CASKIN2: variants seen among roughly 807,000 people sequenced by gnomAD.
CASKIN2 encodes caskin-2.
In CASKIN2, 41 loss-of-function variants were observed where a neutral mutation model predicts 107.1. The ratio of observed to expected loss-of-function variants is 0.38; its 90% CI spans 0.30 to 0.50. The LOEUF is 0.50. Among genes scored for constraint, CASKIN2 ranks in the 20% least tolerant of loss-of-function variants. The probability of loss-of-function intolerance (pLI) is 0.92; values close to 1 mark genes in which losing one functional copy is unlikely to be tolerated. For missense variants in CASKIN2, 1,546 were observed against 1,657.4 expected, an observed-to-expected ratio of 0.93 and a Z score of 1.17; for synonymous variants, 724 against 705.6, an observed-to-expected ratio of 1.03 and a Z score of -0.41.
In CASKIN2 at chr17:75,502,140, G is replaced by A. The variant is rs763516655; in HGVS notation, c.2934C>T (p.Pro978=). 53 of 1,603,408 alleles carry A rather than the reference G, an allele frequency of 3.3e-5. No individual in the cohort carries two copies. The highest frequency in any genetic ancestry group is 2.9e-4 in the East Asian group (13 of 44,864). ...GPPPRETPVP[P]GLDFNLTESD... ...ATTCCGTGAGGTTGAAATCGAGGCC[G>A]GGGGGCACGGGTGTCTCTCGGGGCG... is the stretch of plus-strand genomic sequence containing the variant. Residue 978 remains proline (P), a synonymous_variant, in exon 18 of 20, where the codon CCC becomes CCT. Transcript: ENST00000321617. This position sits in a 1 kb window ranked among gnomAD's most constrained non-coding sequence, Gnocchi z 4.3.
chr17:75,501,445 C>G (rs769985148), intron 19 of CASKIN2, 23 bp downstream of exon 19: 4 of 1,592,998 alleles, frequency 2.5e-6, no homozygotes, highest in Non-Finnish European at 2.6e-6. Context: ...GCCTTCTCTC[C>G]CTCCCCATCC....
chr17:75,506,396 C>T lies in CASKIN2; in HGVS notation c.635G>A (p.Gly212Glu). The T allele has an allele frequency of 1.2e-6, 2 of 1,610,414 alleles. No homozygotes were observed. The highest frequency in any genetic ancestry group is 1.7e-6 in the Non-Finnish European group (2 of 1,179,896). Residue 212 changes from glycine (G) to glutamate (E), a missense_variant, in exon 8 of 20, where the codon GGG becomes GAG. Physicochemically the swap from Gly to Glu is moderately conservative, Grantham distance 98. Transcript: ENST00000321617. The surrounding 1 kb of genome is among the most constrained non-coding windows in gnomAD (Gnocchi z 4.8). ...CTTGGTCTGGCGGTTGATCTCGATCCCAGCTCTCAGGAGCTGCCTGCAGTG... is the reference window on the plus strand; with the variant it reads ...CTTGGTCTGGCGGTTGATCTCGATCTCAGCTCTCAGGAGCTGCCTGCAGTG... The part of the protein sequence containing the change: ...REVIRQLLRA[G>E]IEINRQTKTG...
At chr17:75,508,979 C>T (rs1260475814) in intron 2 of CASKIN2, among the ~76,000 whole-genome samples, 1 of 152,224 alleles carries the variant, frequency 6.6e-6, no homozygotes, top group African/African-American at 2.4e-5. Context: ...GGGCGATGGT[C>T]CTCCAACAAG....
chr17:75,506,518 A>G lies in CASKIN2; in HGVS notation c.617+65T>C, dbSNP rs2053267453. On this transcript the variant is annotated intron_variant, in intron 7 of 19. Transcript: ENST00000321617. This position sits in a 1 kb window ranked among gnomAD's most constrained non-coding sequence, Gnocchi z 4.8. Reference sequence around the variant, plus strand: ...CCGGGTGAAAAGGGCAGTGGGGGAGAGCACTGAGGGGCACCGATGGTCCCG... The same window carrying G: ...CCGGGTGAAAAGGGCAGTGGGGGAGGGCACTGAGGGGCACCGATGGTCCCG... 1.9e-6 allele frequency: 3 copies of G among 1,601,018 alleles called. No individual in the cohort carries two copies. Among genetic ancestry groups the G allele is most frequent in the Admixed American group, 1.7e-5 (1 of 59,776 alleles).
intron 14 of CASKIN2, 33 bp downstream of exon 14, chr17:75,504,182 C>CCT (rs1555641559): frequency 7.6e-7 from 1 of 1,323,938 alleles, no homozygotes; most frequent in African/African-American, 1.6e-5. Context: ...CCTTCCCCCC[C>CCT]GAGGCCCACG....
intron 2 of CASKIN2, among the ~76,000 whole-genome samples, chr17:75,512,426 G>A (rs2053322457): frequency 6.6e-6 from 1 of 152,166 alleles, no homozygotes; most frequent in Non-Finnish European, 1.5e-5. Flanking sequence ...CCCAAGACAT[G>A]GGGCTCAGGT....
chr17:75,511,888 G>A (rs1466461374), intron 2 of CASKIN2, among the ~76,000 whole-genome samples: 1 of 148,306 alleles, frequency 6.7e-6, no homozygotes, highest in Non-Finnish European at 1.5e-5. Context: ...CCAGAGCGGT[G>A]AGGCCAGCAG....
At position 75,507,045 on chromosome 17, in the gene CASKIN2, G is replaced by A; in HGVS notation, c.329C>T (p.Ala110Val). The A allele has an allele frequency of 1.2e-6, 2 of 1,612,712 alleles. No individual in the cohort carries two copies. Among genetic ancestry groups the A allele is most frequent in the Non-Finnish European group, 1.7e-6 (2 of 1,179,896 alleles). ...LLLRASAAVN[A>V]ASLDGQIPLH... ...GGGGATCTGTCCGTCCAGCGAGGCGGCATTGACAGCCGCAGAGGCGCGCAG... is the reference window on the plus strand; with the variant it reads ...GGGGATCTGTCCGTCCAGCGAGGCGACATTGACAGCCGCAGAGGCGCGCAG... Residue 110 changes from alanine (A) to valine (V), a missense_variant, in exon 5 of 20, where the codon GCC (alanine) becomes GTC (valine). Transcript: ENST00000321617.
Position 75,508,247 on chromosome 17 carries a change from G to A in CASKIN2, c.133C>T (p.Gln45Ter), listed in dbSNP as rs2053286009. The change falls in exon 3 of 20, where the codon CAG (glutamine) becomes TAG (stop). Residue 45 changes from glutamine to a stop codon, truncating the protein, a stop_gained. Transcript: ENST00000321617. LOFTEE classifies it high-confidence loss of function. ...GCTCCCACTCACCCATCAGCATCCT[G>A]GTAGTTCACGTTGAGCCTCTTTGTG... The part of the protein sequence containing the change: ...GSTKRLNVNY[Q>*]DADGFSALHH... 1 of 1,613,924 alleles carries A rather than the reference G, an allele frequency of 6.2e-7. No individual in the cohort carries two copies. Among genetic ancestry groups the A allele is most frequent in the South Asian group, 1.1e-5 (1 of 91,052 alleles).
intron 2 of CASKIN2, among the ~76,000 whole-genome samples, chr17:75,510,157 C>A (rs2053304646): frequency 6.6e-6 from 1 of 152,172 alleles, no homozygotes; most frequent in Non-Finnish European, 1.5e-5. Context: ...GCCGCCCCAG[C>A]ACACCCCATT....
rs910275664 is a variant in CASKIN2 at position 75,501,557 on chromosome 17, C to G, written c.3429G>C (p.Gln1143His). 3 of 1,611,902 alleles carry G rather than the reference C, an allele frequency of 1.9e-6. No homozygotes were observed. The African/African-American group carries it at 4.0e-5, about 21-fold the overall frequency. Residue 1143 changes from glutamine to histidine, a missense_variant, in exon 19 of 20, where the codon CAG (glutamine) becomes CAC (histidine). Transcript: ENST00000321617. ...PESTGTVGPG[Q>H]AQQRLEQTSS... Reference sequence around the variant, plus strand: ...TGGTCTGCTCCAGTCTCTGCTGGGCCTGGCCTGGGCCCACAGTCCCAGTGC... The same window carrying G: ...TGGTCTGCTCCAGTCTCTGCTGGGCGTGGCCTGGGCCCACAGTCCCAGTGC...
At position 75,506,218 on chromosome 17, in the gene CASKIN2, T is replaced by C; in HGVS notation, c.726+87A>G. On this transcript the variant is annotated intron_variant, in intron 8 of 19. Coordinates refer to ENST00000321617, the MANE Select transcript of CASKIN2 (RefSeq NM_020753.5). The surrounding 1 kb of genome is among the most constrained non-coding windows in gnomAD (Gnocchi z 4.8). ...CGCCCATGCAAAAACCACGCTGGAG[T>C]CCTCCGTCCCGTACCTCCCCAGCCA... 8.6e-7 allele frequency: 1 copy of C among 1,166,078 alleles called. No homozygotes were observed. Among genetic ancestry groups the C allele is most frequent in the Non-Finnish European group, 1.2e-6 (1 of 810,424 alleles). 72.2% of individuals were successfully genotyped at this position (1,166,078 alleles called of 1,614,324 possible).
Position 75,514,046 on chromosome 17 carries a change from A to G in CASKIN2, c.-242T>C, listed in dbSNP as rs1598471360. On this transcript the variant is annotated 5_prime_UTR_variant, in exon 2 of 20. Coordinates refer to ENST00000321617, the MANE Select transcript of CASKIN2 (RefSeq NM_020753.5). ...CTTTGAGGGGGTGAAGGCTACATGG[A>G]AATCTGGATGGATATCAGCTTGTGG... is the stretch of plus-strand genomic sequence containing the variant. 3.4e-6 allele frequency: 2 copies of G among 584,066 alleles called. No homozygotes were observed. The highest frequency in any genetic ancestry group is 2.8e-5 in the East Asian group (1 of 35,792). The allele number at this position is 584,066 out of a possible 1,614,324, so 36.2% of individuals were successfully genotyped here.
At chr17:75,504,065 G>T in intron 14 of CASKIN2, 103 bp from the exon 15 acceptor site, 1 of 1,225,530 alleles carries the variant, frequency 8.2e-7, no homozygotes, top group Non-Finnish European at 1.2e-6. Flanking sequence ...AGTCCATACA[G>T]AGGCTCTTGC....
chr17:75,504,460 C>G lies in CASKIN2; in HGVS notation c.1335G>C (p.Glu445Asp). ...ENAQPLPSAG[E>D]DQVLPGLHPP... The stretch of plus-strand genomic sequence containing the variant: ...GGTGGAGTCCTGGCAGCACCTGGTC[C>G]TCTCCAGCAGAGGGCAGTGGCTGGA... Residue 445 changes from glutamate (E) to aspartate (D), a missense_variant, in exon 13 of 20, where the codon GAG becomes GAC. By Grantham distance (45) the Glu-to-Asp change is conservative. Coordinates refer to ENST00000321617, the MANE Select transcript of CASKIN2 (RefSeq NM_020753.5). 6.2e-7 allele frequency: 1 copy of G among 1,608,886 alleles called. No homozygotes were observed. Among genetic ancestry groups the G allele is most frequent in the South Asian group, 1.1e-5 (1 of 90,918 alleles).
rs984143121 is a variant in CASKIN2, at chr17:75,502,168, G to A, written c.2906C>T (p.Pro969Leu). Residue 969 changes from proline to leucine, a missense_variant, in exon 18 of 20, where the codon CCC becomes CTC. Pro to Leu is a moderately conservative substitution (Grantham distance 98). This residue lies in a region of CASKIN2 where 1,311 missense variants were observed against 1,311.0 expected (regional missense o/e 1.00). Transcript: ENST00000321617. The surrounding 1 kb of genome is among the most constrained non-coding windows in gnomAD (Gnocchi z 4.3). ...TIKQRPKPAG[P>L]PPRETPVPPG... ...GGGCACGGGTGTCTCTCGGGGCGGG[G>A]GGCCAGCGGGCTTCGGGCGCTGTTT... is the stretch of plus-strand genomic sequence containing the variant. The A allele has an allele frequency of 5.1e-5, 82 of 1,600,864 alleles. No homozygotes were observed. Among genetic ancestry groups the A allele is most frequent in the Non-Finnish European group, 6.5e-5 (77 of 1,179,598 alleles).
At chr17:75,507,894 G>C (rs954961834) in intron 3 of CASKIN2, 3 of 577,194 alleles carry the variant, frequency 5.2e-6, no homozygotes, top group Non-Finnish European at 9.3e-6. Flanking sequence ...TCGCCCCCCC[G>C]CCTCCCAGCT....
Position 75,505,080 on chromosome 17 carries a change from C to G in CASKIN2, c.931-7G>C, listed in dbSNP as rs1243919664. 2 of 1,607,908 alleles carry G rather than the reference C, an allele frequency of 1.2e-6. No homozygotes were observed. Among genetic ancestry groups the G allele is most frequent in the South Asian group, 2.2e-5 (2 of 90,886 alleles). On this transcript the variant is annotated splice_polypyrimidine_tract_variant and splice_region_variant and intron_variant, in intron 10 of 19. Transcript: ENST00000321617. This position sits in a 1 kb window ranked among gnomAD's most constrained non-coding sequence, Gnocchi z 5.1. The stretch of plus-strand genomic sequence containing the variant: ...CGGGATGCTGTTCTAGCACCTGCGG[C>G]CAGGGGTGGGGGGCGGGGACGGTCA...
intron 2 of CASKIN2, among the ~76,000 whole-genome samples, chr17:75,508,893 A>G (rs2053293266): frequency 6.6e-6 from 1 of 152,194 alleles, no homozygotes; most frequent in Non-Finnish European, 1.5e-5. Flanking sequence ...ACAGTGCCTG[A>G]CCTTGTCATA....
Sources: allele counts gnomAD v4.1 joint callset (sites outside exome capture counted in the v4.1 genomes callset), GRCh38; gene constraint gnomAD v4.1.1; regional missense constraint gnomAD v4.1.1; non-coding constraint Gnocchi (gnomAD v3.1); transcripts MANE v1.5; gene names NCBI Gene and HGNC (gene_info 2026-07-23, HGNC 2026-07-21).